LARP6: variants seen among roughly 807,000 people sequenced by gnomAD.
The protein encoded by LARP6 is la-related protein 6.
LARP6 carries 18 observed loss-of-function variants against 32.8 expected under a neutral mutation model. The ratio of observed to expected loss-of-function variants is 0.55; its 90% CI spans 0.38 to 0.81. The LOEUF (loss-of-function observed/expected upper bound fraction) is 0.81, where lower values mean the gene tolerates loss of function less well. Ranked by LOEUF, LARP6 falls within the 40% of genes least tolerant of loss-of-function variation. The pLI is 0.00. For missense variants in LARP6, 598 were observed against 663.1 expected (o/e 0.90, Z 1.08); for synonymous variants, 289 against 267.2 (o/e 1.08, Z -0.80).
At chr15:70,834,874 A>C (rs1372564648) in intron 2 of LARP6, among the ~76,000 whole-genome samples, 1 of 152,264 alleles carries the variant, frequency 6.6e-6, no homozygotes, top group Non-Finnish European at 1.5e-5. Flanking sequence ...TTTGTGATTA[A>C]TAGGAAATCC....
At chr15:70,847,829 T>C (rs185862857) in intron 1 of LARP6, among the ~76,000 whole-genome samples, 50 of 152,184 alleles carry the variant, frequency 3.3e-4, no homozygotes, top group African/African-American at 1.1e-3. Flanking sequence ...CACTACAGCT[T>C]TCAATCCAGG....
At chr15:70,849,885 A>T (rs1207405098) in intron 1 of LARP6, 1 of 152,212 alleles carries the variant, frequency 6.6e-6, no homozygotes, top group African/African-American at 2.4e-5. Flanking sequence ...TTGCCTCTTT[A>T]GGAGAAACTT....
chr15:70,835,954 T>G (rs1015688824), intron 2 of LARP6, among the ~76,000 whole-genome samples: 1 of 152,298 alleles, frequency 6.6e-6, no homozygotes. Flanking sequence ...CTGGCAGGTA[T>G]CTCTCAAGGC....
At chr15:70,849,388 CAAAA>C (rs979214670) in intron 1 of LARP6, 63 of 142,564 alleles carry the variant, frequency 4.4e-4, no homozygotes, top group Middle Eastern at 3.8e-3. Context: ...AACAAACAAA[CAAAA>C]AAATATATAT....
At chr15:70,853,180 C>A in intron 1 of LARP6, 1 of 152,500 alleles carries the variant, frequency 6.6e-6, no homozygotes, top group Non-Finnish European at 1.5e-5. Flanking sequence ...AAACAAGTGC[C>A]ATAGCAGCTC....
chr15:70,839,455 G>C (rs1275203447), intron 1 of LARP6, among the ~76,000 whole-genome samples: 1 of 147,414 alleles, frequency 6.8e-6, no homozygotes, highest in South Asian at 2.2e-4. Context: ...AAAAAAAAAT[G>C]TATAGTGAAG....
chr15:70,832,720 T>C lies in LARP6; in HGVS notation c.808A>G (p.Ile270Val), dbSNP rs1215306348. 3 of 1,601,614 alleles carry C rather than the reference T, an allele frequency of 1.9e-6. No homozygotes were observed. The highest frequency in any genetic ancestry group is 1.1e-5 in the South Asian group (1 of 88,734). ...IVEFEEVEAA[I>V]KAHEFMITES... is the part of the protein sequence containing the mutation. ...GTGATCATGAACTCATGGGCTTTGA[T>C]GGCTGCTTCCACCTCCTCGAACTCC... The change falls in exon 3 of 3, where the codon ATC becomes GTC. Residue 270 changes from isoleucine (I) to valine (V), a missense_variant. This residue lies in a region of LARP6 where 368 missense variants were observed against 397.9 expected (regional missense o/e 0.92). Transcript: ENST00000299213.
In LARP6 at chr15:70,835,210, A is replaced by G. The variant is rs541910243; in HGVS notation, c.411+1085T>C. Among the ~76,000 whole-genome samples the G allele has an allele frequency of 3.9e-5, 6 of 152,332 alleles. No homozygotes were observed. The South Asian group carries it at 1.2e-3, about 32-fold the overall frequency. On this transcript the variant is annotated intron_variant, in intron 2 of 2. Coordinates refer to ENST00000299213, the MANE Select transcript of LARP6 (RefSeq NM_018357.4). ...ACTCATCCTCCAAAATCCTATTTCAATGTCACCTTCTCTGGGAAGACTTCT... is the reference window on the plus strand; with the variant it reads ...ACTCATCCTCCAAAATCCTATTTCAGTGTCACCTTCTCTGGGAAGACTTCT...
intron 1 of LARP6, among the ~76,000 whole-genome samples, chr15:70,839,714 A>G (rs2032216857): frequency 6.6e-6 from 1 of 151,750 alleles, no homozygotes; most frequent in South Asian, 2.1e-4. Context: ...TCCCGAGTAG[A>G]TGGGACTACA....
intron 1 of LARP6, chr15:70,853,273 A>G (rs552809988): frequency 5.7e-5 from 8 of 141,424 alleles, no homozygotes; most frequent in African/African-American, 2.1e-4. Flanking sequence ...TCTGGTGGGA[A>G]AGGCTGTGTG....
intron 1 of LARP6, 106 bp from the exon 2 acceptor site, chr15:70,836,611 A>G: frequency 1.1e-6 from 1 of 871,658 alleles, no homozygotes; most frequent in East Asian, 2.5e-5. Context: ...GTATGATGTT[A>G]TTTGGAAATG....
chr15:70,836,478 G>A lies in LARP6; in HGVS notation c.228C>T (p.Asn76=), dbSNP rs138869907. 7.7e-5 allele frequency: 124 copies of A among 1,614,062 alleles called. 1 individual carries two copies. The East Asian group carries it at 1.3e-3, about 17-fold the overall frequency. ...HSGTTASGGE[N]EREDLEQEWK... is the part of the protein sequence containing the mutation. ...ACTCCTGCTCCAGGTCCTCACGCTC[G>A]TTCTCACCTCCACTTGCAGTGGTGC... Residue 76 remains asparagine (N), a synonymous_variant, in exon 2 of 3, where the codon AAC becomes AAT. Transcript: ENST00000299213.
chr15:70,842,892 A>G (rs528839614), intron 1 of LARP6, among the ~76,000 whole-genome samples: 225 of 152,318 alleles, frequency 1.5e-3, no homozygotes, highest in African/African-American at 5.0e-3. Flanking sequence ...GCAACTATGC[A>G]TCTCCAAAGG....
At chr15:70,845,683 T>C (rs968164212) in intron 1 of LARP6, among the ~76,000 whole-genome samples, 3 of 152,252 alleles carry the variant, frequency 2.0e-5, no homozygotes, top group African/African-American at 7.2e-5. Context: ...ACTCCACAGC[T>C]ATTCACTGTG....
At chr15:70,840,046 C>T (rs779020324) in intron 1 of LARP6, among the ~76,000 whole-genome samples, 33 of 152,158 alleles carry the variant, frequency 2.2e-4, no homozygotes, top group Non-Finnish European at 4.3e-4. Flanking sequence ...TTGTTTAATT[C>T]ACTTGTTGGG....
At chr15:70,851,907 G>A (rs934324394) in intron 1 of LARP6, 2 of 863,742 alleles carry the variant, frequency 2.3e-6, no homozygotes, top group African/African-American at 1.7e-5. Flanking sequence ...GGACCTAGAG[G>A]TGGGGGTGCA....
rs1186926807 is a variant in LARP6, at chr15:70,854,028, C to A, written c.61G>T (p.Ala21Ser). Residue 21 changes from alanine to serine, a missense_variant, in exon 1 of 3, where the codon GCC becomes TCC. By Grantham distance (99) the Ala-to-Ser change is moderately conservative (BLOSUM62 1). This residue lies in a region of LARP6 where 161 missense variants were observed against 148.6 expected (regional missense o/e 1.08). Transcript: ENST00000299213. The stretch of plus-strand genomic sequence containing the variant: ...TCCACGTCCTCGGCCTCCTGGATGG[C>A]GACGCGGATCTGCACCGCCGTCTTG... The part of the protein sequence containing the change: ...GPKTAVQIRV[A>S]IQEAEDVDEL... The A allele has an allele frequency of 5.5e-6, 8 of 1,452,708 alleles. No individual in the cohort carries two copies. The Admixed American group carries it at 1.7e-4, about 31-fold the overall frequency. The allele number at this position is 1,452,708 out of a possible 1,614,324, so 90.0% of individuals were successfully genotyped here. A position where few individuals can be genotyped will look rare whatever the true frequency, so the allele number is the denominator to read the frequency against.
chr15:70,841,690 A>G (rs1292288323), intron 1 of LARP6, among the ~76,000 whole-genome samples: 1 of 151,094 alleles, frequency 6.6e-6, no homozygotes, highest in African/African-American at 2.4e-5. Flanking sequence ...CACCCCCACC[A>G]TCACCAACTC....
chr15:70,845,652 A>C (rs144101860), intron 1 of LARP6, among the ~76,000 whole-genome samples: 3 of 152,332 alleles, frequency 2.0e-5, no homozygotes, highest in African/African-American at 7.2e-5. Flanking sequence ...CACAGCCCAC[A>C]CTTAGGGTGT....
Sources: allele counts gnomAD v4.1 joint callset (sites outside exome capture counted in the v4.1 genomes callset), GRCh38; gene constraint gnomAD v4.1.1; regional missense constraint gnomAD v4.1.1; transcripts MANE v1.5; gene names NCBI Gene and HGNC (gene_info 2026-07-23, HGNC 2026-07-21).